Variants in SPMIP4 observed in about 807,000 individuals in gnomAD.
SPMIP4 encodes sperm microtubule inner protein 4.
chr7:25,171,075 T>C, the SPMIP4 span, among the ~76,000 whole-genome samples: 1 of 152,262 alleles, frequency 6.6e-6, no homozygotes, highest in Admixed American at 6.5e-5. Context: ...CAGGTGATTC[T>C]TGTGCATGCT....
chr7:25,134,087 C>G, the SPMIP4 span, among the ~76,000 whole-genome samples: 3 of 151,982 alleles, frequency 2.0e-5, no homozygotes, highest in Non-Finnish European at 4.4e-5. Flanking sequence ...AGTGAAAACT[C>G]TTCTCTACTA....
At chr7:25,154,241 A>G in the SPMIP4 span, among the ~76,000 whole-genome samples, 307 of 152,350 alleles carry the variant, frequency 2.0e-3, 1 homozygote, top group African/African-American at 7.0e-3. Flanking sequence ...ATATTCATGT[A>G]TAGAGGAACT....
At chr7:25,163,601 G>A in the SPMIP4 span, among the ~76,000 whole-genome samples, 7 of 152,152 alleles carry the variant, frequency 4.6e-5, no homozygotes, top group Non-Finnish European at 8.8e-5. The surrounding 1 kb of genome is among the most constrained non-coding windows in gnomAD (Gnocchi z 4.4). Flanking sequence ...TATCACATAT[G>A]GACTCAGTGA....
At chr7:25,172,549 G>A in the SPMIP4 span, among the ~76,000 whole-genome samples, 3 of 152,196 alleles carry the variant, frequency 2.0e-5, no homozygotes, top group African/African-American at 7.2e-5. This position sits in a 1 kb window ranked among gnomAD's most constrained non-coding sequence, Gnocchi z 4.2. Context: ...GCTCACAAAT[G>A]CTCTGCATGG....
chr7:25,154,539 T>G, the SPMIP4 span, among the ~76,000 whole-genome samples: 123 of 152,286 alleles, frequency 8.1e-4, no homozygotes, highest in African/African-American at 2.8e-3. Context: ...TAAGAAGGAC[T>G]GAACAAACTA....
chr7:25,177,329 A>T, the SPMIP4 span, among the ~76,000 whole-genome samples: 1 of 152,084 alleles, frequency 6.6e-6, no homozygotes, highest in Non-Finnish European at 1.5e-5. Context: ...AAAAATACAA[A>T]AGAATTAGCT....
chr7:25,130,054 A>G, the SPMIP4 span, among the ~76,000 whole-genome samples: 6 of 151,908 alleles, frequency 3.9e-5, no homozygotes, highest in African/African-American at 1.4e-4. Flanking sequence ...CCTGGCCAAC[A>G]TGGTGAAACC....
the SPMIP4 span, among the ~76,000 whole-genome samples, chr7:25,164,902 T>G: frequency 6.6e-6 from 1 of 152,374 alleles, no homozygotes; most frequent in African/African-American, 2.4e-5. Context: ...CCTGAGTTAC[T>G]TCACTTAGAA....
At chr7:25,157,691 A>G in the SPMIP4 span, among the ~76,000 whole-genome samples, 1 of 152,196 alleles carries the variant, frequency 6.6e-6, no homozygotes, top group African/African-American at 2.4e-5. Context: ...AAGTCTGAGA[A>G]ACTGTCACAG....
At chr7:25,127,136 A>G in the SPMIP4 span, among the ~76,000 whole-genome samples, 1 of 151,538 alleles carries the variant, frequency 6.6e-6, no homozygotes, top group Non-Finnish European at 1.5e-5. Flanking sequence ...GATCTTTGGG[A>G]GTTTGATTAT....
the SPMIP4 span, among the ~76,000 whole-genome samples, chr7:25,128,366 A>C: frequency 6.6e-6 from 1 of 152,182 alleles, no homozygotes; most frequent in African/African-American, 2.4e-5. The surrounding 1 kb of genome is among the most constrained non-coding windows in gnomAD (Gnocchi z 4.5). Flanking sequence ...TTAGGAATCT[A>C]CCTGGTACTC....
chr7:25,171,901 G>C, the SPMIP4 span, among the ~76,000 whole-genome samples: 1 of 152,134 alleles, frequency 6.6e-6, no homozygotes, highest in Non-Finnish European at 1.5e-5. Flanking sequence ...ACTTAAGCTT[G>C]GATTTAAGTG....
the SPMIP4 span, among the ~76,000 whole-genome samples, chr7:25,148,826 T>A: frequency 6.6e-6 from 1 of 152,298 alleles, no homozygotes; most frequent in East Asian, 1.9e-4. Context: ...TATTTTAGAA[T>A]TTAAAGCATT....
At chr7:25,136,439 T>C in the SPMIP4 span, 4 of 1,614,100 alleles carry the variant, frequency 2.5e-6, no homozygotes, top group Non-Finnish European at 3.4e-6. The surrounding 1 kb of genome is among the most constrained non-coding windows in gnomAD (Gnocchi z 5.7). Context: ...TCTGTCTTTT[T>C]AGTATCTGTG....
the SPMIP4 span, among the ~76,000 whole-genome samples, chr7:25,163,663 C>G: frequency 6.6e-6 from 1 of 152,256 alleles, no homozygotes; most frequent in South Asian, 2.1e-4. This position sits in a 1 kb window ranked among gnomAD's most constrained non-coding sequence, Gnocchi z 4.4. Flanking sequence ...TTTGAGTTTG[C>G]CATCAGAAGT....
the SPMIP4 span, chr7:25,158,429 T>C: frequency 1.2e-5 from 13 of 1,106,698 alleles, no homozygotes; most frequent in East Asian, 1.5e-4. Flanking sequence ...TTCACACTTC[T>C]AAGACATAGG....
At chr7:25,127,054 C>T in the SPMIP4 span, among the ~76,000 whole-genome samples, 2 of 152,324 alleles carry the variant, frequency 1.3e-5, no homozygotes, top group South Asian at 2.1e-4. Context: ...TGCTGCCAGA[C>T]TTATTAGAAC....
the SPMIP4 span, among the ~76,000 whole-genome samples, chr7:25,140,879 G>A: frequency 6.6e-6 from 1 of 152,172 alleles, no homozygotes; most frequent in South Asian, 2.1e-4. Flanking sequence ...GAGCCACCGA[G>A]CCTGACCCAG....
At chr7:25,151,882 G>A in the SPMIP4 span, among the ~76,000 whole-genome samples, 1 of 152,140 alleles carries the variant, frequency 6.6e-6, no homozygotes, top group African/African-American at 2.4e-5. Flanking sequence ...GTCTTGCTAT[G>A]TTTCCCAAGC....
Sources: allele counts gnomAD v4.1 joint callset (sites outside exome capture counted in the v4.1 genomes callset), GRCh38; gene constraint gnomAD v4.1.1; non-coding constraint Gnocchi (gnomAD v3.1); transcripts MANE v1.5; gene names NCBI Gene and HGNC (gene_info 2026-07-23, HGNC 2026-07-21).